Variants in GRIA4 observed in about 807,000 individuals in gnomAD.
The protein encoded by GRIA4 is glutamate ionotropic receptor AMPA type subunit 4.
In GRIA4, 34 loss-of-function variants were observed where a neutral mutation model predicts 104.0. That is an observed-to-expected ratio of 0.33 (90% CI 0.25 to 0.44). The LOEUF (loss-of-function observed/expected upper bound fraction) is 0.44. Among genes scored for constraint, GRIA4 ranks in the 20% least tolerant of loss-of-function variants. GRIA4 has a pLI of 1.00. For missense variants in GRIA4, 750 were observed against 1,096.5 expected, an observed-to-expected ratio of 0.68 and a Z score of 4.46; for synonymous variants, 386 against 381.9, an observed-to-expected ratio of 1.01 and a Z score of -0.13.
intron 14 of GRIA4, among the ~76,000 whole-genome samples, chr11:105,961,714 A>G (rs1948748804): frequency 6.6e-6 from 1 of 152,220 alleles, no homozygotes. Context: ...GGAAATGCAC[A>G]TTGTAGCATT....
chr11:105,797,466 G>T (rs560689795), intron 4 of GRIA4, among the ~76,000 whole-genome samples: 1 of 151,982 alleles, frequency 6.6e-6, no homozygotes, highest in Non-Finnish European at 1.5e-5. Context: ...CGGGCCTAAG[G>T]TTACACTCTA....
intron 3 of GRIA4, among the ~76,000 whole-genome samples, chr11:105,719,633 C>T (rs11226833): frequency 6.6e-6 from 1 of 152,018 alleles, no homozygotes; most frequent in Non-Finnish European, 1.5e-5. Context: ...ACTAATGACT[C>T]TGAAGCCTCA....
chr11:105,779,755 T>C (rs981738899), intron 4 of GRIA4, among the ~76,000 whole-genome samples: 23 of 152,166 alleles, frequency 1.5e-4, no homozygotes, highest in Non-Finnish European at 2.9e-5. Context: ...CTACCTGACT[T>C]CAAACTATAC....
chr11:105,637,299 T>C (rs1321169154), intron 3 of GRIA4, among the ~76,000 whole-genome samples: 1 of 152,180 alleles, frequency 6.6e-6, no homozygotes, highest in Non-Finnish European at 1.5e-5. Context: ...ACAATCCTTT[T>C]GCTTACAATA....
intron 16 of GRIA4, 179 bp downstream of exon 16, chr11:105,974,623 C>G: frequency 1.3e-6 from 2 of 1,481,560 alleles, no homozygotes; most frequent in Non-Finnish European, 1.9e-6. Flanking sequence ...TGTGACCTGT[C>G]TGTCCAGTGG....
At chr11:105,892,937 T>C (rs1033453687) in intron 6 of GRIA4, among the ~76,000 whole-genome samples, 1 of 152,154 alleles carries the variant, frequency 6.6e-6, no homozygotes, top group African/African-American at 2.4e-5. Flanking sequence ...AAGTAGAACT[T>C]AAAGAATAAG....
intron 10 of GRIA4, among the ~76,000 whole-genome samples, chr11:105,914,040 T>C (rs1371361369): frequency 2.6e-5 from 4 of 151,776 alleles, no homozygotes; most frequent in Non-Finnish European, 5.9e-5. Context: ...AACATACACA[T>C]GCATATTTAT....
At chr11:105,629,685 A>T (rs1447359462) in intron 3 of GRIA4, among the ~76,000 whole-genome samples, 1 of 152,198 alleles carries the variant, frequency 6.6e-6, no homozygotes, top group Non-Finnish European at 1.5e-5. Context: ...AATAAAAGAA[A>T]ATGTGGTGAT....
intron 5 of GRIA4, among the ~76,000 whole-genome samples, chr11:105,863,391 AAT>A (rs148725532): frequency 1.6e-4 from 24 of 148,782 alleles, no homozygotes; most frequent in African/African-American, 3.0e-4. Context: ...GAAAAAGCTA[AAT>A]ATATATATAT....
chr11:105,858,925 AT>A (rs1487733090), intron 4 of GRIA4, among the ~76,000 whole-genome samples: 1 of 152,182 alleles, frequency 6.6e-6, no homozygotes, highest in Non-Finnish European at 1.5e-5. Flanking sequence ...GATTTAAAAT[AT>A]CCTTTACAGT....
intron 3 of GRIA4, among the ~76,000 whole-genome samples, chr11:105,720,371 A>G (rs1458353750): frequency 6.6e-6 from 1 of 152,106 alleles, no homozygotes; most frequent in Non-Finnish European, 1.5e-5. Context: ...GGTTTTATGT[A>G]TACAAGGAGA....
intron 4 of GRIA4, among the ~76,000 whole-genome samples, chr11:105,763,651 G>C (rs1940780710): frequency 6.6e-6 from 1 of 152,048 alleles, no homozygotes; most frequent in African/African-American, 2.4e-5. Flanking sequence ...ATTCTGTTTT[G>C]ATAGATGCCA....
At chr11:105,833,018 T>C (rs1466325875) in intron 4 of GRIA4, among the ~76,000 whole-genome samples, 4 of 152,062 alleles carry the variant, frequency 2.6e-5, no homozygotes, top group African/African-American at 9.7e-5. Flanking sequence ...AATCATCTTT[T>C]TTTATAATTT....
intron 14 of GRIA4, among the ~76,000 whole-genome samples, chr11:105,941,156 T>C (rs879614227): frequency 6.6e-6 from 1 of 152,204 alleles, no homozygotes; most frequent in African/African-American, 2.4e-5. Flanking sequence ...ATGAGAAGAT[T>C]TTGTAAATAA....
intron 3 of GRIA4, among the ~76,000 whole-genome samples, chr11:105,752,639 C>T (rs994261021): frequency 6.6e-6 from 1 of 152,100 alleles, no homozygotes; most frequent in Admixed American, 6.6e-5. Context: ...TAATTTTGGA[C>T]TTGTCACACC....
At chr11:105,698,630 A>G (rs10791767) in intron 3 of GRIA4, among the ~76,000 whole-genome samples, 70,377 of 152,014 alleles carry the variant, frequency 0.46, 16,426 homozygotes, top group East Asian at 0.58. Flanking sequence ...CTTCTTGTAT[A>G]TAATCCATCA....
At chr11:105,816,732 T>C (rs1028083970) in intron 4 of GRIA4, among the ~76,000 whole-genome samples, 1 of 152,070 alleles carries the variant, frequency 6.6e-6, no homozygotes, top group East Asian at 1.9e-4. Context: ...TCAGGCTCTG[T>C]CTGGGTGCAG....
At chr11:105,873,131 A>T (rs974540080) in intron 5 of GRIA4, among the ~76,000 whole-genome samples, 5 of 151,884 alleles carry the variant, frequency 3.3e-5, no homozygotes, top group African/African-American at 1.2e-4. Flanking sequence ...GTGTCCCTAT[A>T]TTCTCATTGT....
intron 3 of GRIA4, among the ~76,000 whole-genome samples, chr11:105,665,090 A>G (rs1376754982): frequency 6.6e-6 from 1 of 152,062 alleles, no homozygotes; most frequent in Admixed American, 6.6e-5. Flanking sequence ...GATTTACCAA[A>G]TATTTTAACT....
Sources: gnomAD v4.1 joint callset for allele counts (sites outside exome capture counted in the v4.1 genomes callset) on GRCh38, gnomAD v4.1.1 for gene constraint, MANE v1.5 for transcripts, NCBI Gene and HGNC (gene_info 2026-07-23, HGNC 2026-07-21) for gene names.